The following PTPRC variants were observed in gnomAD, a reference collection of about 807,000 sequenced individuals.
The protein encoded by PTPRC is receptor-type tyrosine-protein phosphatase C.
A neutral mutation model predicts 155.9 loss-of-function variants in PTPRC; 44 were observed. The observed-to-expected ratio is 0.28, with a 90% CI of 0.22 to 0.36. The LOEUF is 0.36. Ranked by LOEUF, PTPRC falls within the 10% of genes least tolerant of loss-of-function variation. PTPRC has a pLI of 1.00. For missense variants in PTPRC, 1,401 were observed against 1,564.6 expected (o/e 0.90, Z 1.76); for synonymous variants, 525 against 533.1 (o/e 0.98, Z 0.21).
chr1:198,671,038 A>G (rs66469062), intron 2 of PTPRC, among the ~76,000 whole-genome samples: 49,617 of 151,982 alleles, frequency 0.33, 9,707 homozygotes, highest in Middle Eastern at 0.46. Context: ...TAGTGTATAC[A>G]TATATCAAAA....
chr1:198,704,173 GT>G (rs1488602797), intron 7 of PTPRC, among the ~76,000 whole-genome samples: 2 of 152,078 alleles, frequency 1.3e-5, no homozygotes, highest in South Asian at 2.1e-4. Flanking sequence ...ATTTTTGGCT[GT>G]GTGAATCTTC....
chr1:198,663,409 A>G (rs1010332781), intron 2 of PTPRC, among the ~76,000 whole-genome samples: 3 of 152,206 alleles, frequency 2.0e-5, no homozygotes, highest in African/African-American at 7.2e-5. Context: ...GCTTCATGAA[A>G]AGTGTAAAAG....
chr1:198,692,053 CAA>C (rs1230221810), intron 2 of PTPRC, among the ~76,000 whole-genome samples: 2 of 151,984 alleles, frequency 1.3e-5, no homozygotes, highest in Non-Finnish European at 2.9e-5. Flanking sequence ...AAAAGTTTTT[CAA>C]AAGTCTTTTG....
intron 22 of PTPRC, 84 bp downstream of exon 22, chr1:198,734,509 C>T (rs1654536929): frequency 1.8e-6 from 2 of 1,118,440 alleles, no homozygotes; most frequent in Non-Finnish European, 2.7e-6. Context: ...CCACATGTAT[C>T]TGCCTGATGA....
intron 15 of PTPRC, 135 bp downstream of exon 15, chr1:198,722,611 TTTAA>T: frequency 9.9e-6 from 4 of 404,798 alleles, no homozygotes; most frequent in Non-Finnish European, 1.5e-5. Flanking sequence ...ATGTAATATT[TTTAA>T]TTGTCAGTAA....
intron 2 of PTPRC, among the ~76,000 whole-genome samples, chr1:198,682,416 C>T (rs1665384746): frequency 6.6e-6 from 1 of 152,002 alleles, no homozygotes; most frequent in Non-Finnish European, 1.5e-5. Flanking sequence ...CATTTATTTT[C>T]TGCTTTTTTT....
At chr1:198,724,748 T>C (rs1654051203) in intron 15 of PTPRC, among the ~76,000 whole-genome samples, 1 of 151,918 alleles carries the variant, frequency 6.6e-6, no homozygotes, top group African/African-American at 2.4e-5. Context: ...AAATGCTAGG[T>C]TTCTGTCTTT....
At chr1:198,689,010 CCTGGCA>C (rs921947014) in intron 2 of PTPRC, among the ~76,000 whole-genome samples, 16 of 152,054 alleles carry the variant, frequency 1.1e-4, no homozygotes, top group Admixed American at 1.0e-3. Context: ...TAGTATAGTG[CCTGGCA>C]CCCAGTAAAC....
chr1:198,694,124 C>T, intron 3 of PTPRC: 1 of 1,543,484 alleles, frequency 6.5e-7, no homozygotes, highest in Non-Finnish European at 8.7e-7. Context: ...CCCGAGAGCC[C>T]CTCACAAACC....
intron 2 of PTPRC, among the ~76,000 whole-genome samples, chr1:198,681,087 A>G (rs1265286444): frequency 6.6e-6 from 1 of 152,166 alleles, no homozygotes; most frequent in Admixed American, 6.5e-5. Flanking sequence ...TACTAAAGAT[A>G]GAGAAACCAT....
intron 2 of PTPRC, chr1:198,679,109 A>C (rs1358691254): frequency 5.1e-6 from 1 of 194,304 alleles, no homozygotes; most frequent in Non-Finnish European, 1.1e-5. Flanking sequence ...GGCCTCTGGG[A>C]CAGTTCAGGT....
At chr1:198,643,000 A>G (rs755259632) in intron 2 of PTPRC, among the ~76,000 whole-genome samples, 3 of 143,696 alleles carry the variant, frequency 2.1e-5, no homozygotes, top group Admixed American at 7.1e-5. Flanking sequence ...ATGATTGATT[A>G]AAAGAAAACA....
chr1:198,677,154 AT>A (rs1406893407), intron 2 of PTPRC, among the ~76,000 whole-genome samples: 4 of 152,168 alleles, frequency 2.6e-5, no homozygotes, highest in African/African-American at 9.7e-5. Context: ...CCTGCTATCC[AT>A]TTTAAATTCT....
intron 2 of PTPRC, among the ~76,000 whole-genome samples, chr1:198,665,360 T>C (rs1214676608): frequency 6.6e-6 from 1 of 151,812 alleles, no homozygotes; most frequent in Non-Finnish European, 1.5e-5. Context: ...ATTTTAAAAA[T>C]AGATTTTATT....
intron 29 of PTPRC, 89 bp from the exon 30 acceptor site, chr1:198,752,156 CACAG>C (rs1424598727): frequency 4.4e-6 from 6 of 1,371,780 alleles, no homozygotes; most frequent in African/African-American, 1.4e-5. Context: ...AGAAAAGAGG[CACAG>C]ACAGAGAAAG....
In PTPRC at chr1:198,716,662, T is replaced by C. The variant is rs767348129; in HGVS notation, c.1292-20T>C. ...CTGACTTTTAACGACTTACTAATTT[T>C]TTTTCACATTTTTCCTCAGAAAAAG... On this transcript the variant is annotated intron_variant, in intron 12 of 32. Transcript: ENST00000442510. The C allele has an allele frequency of 2.5e-6, 4 of 1,608,652 alleles. No individual in the cohort carries two copies. The Admixed American group carries it at 6.7e-5, about 27-fold the overall frequency.
At chr1:198,680,075 G>C in intron 2 of PTPRC, 1 of 452,150 alleles carries the variant, frequency 2.2e-6, no homozygotes, top group Non-Finnish European at 3.9e-6. Flanking sequence ...AGCTGGGAGT[G>C]CCACTAGGCA....
chr1:198,691,504 A>G (rs1246831719), intron 2 of PTPRC, among the ~76,000 whole-genome samples: 1 of 151,998 alleles, frequency 6.6e-6, no homozygotes, highest in East Asian at 1.9e-4. Flanking sequence ...TACGTAGGAC[A>G]TCATCTCTGT....
chr1:198,705,708 A>G lies in PTPRC; in HGVS notation c.686-1026A>G, dbSNP rs927548248. ...AATGCTAGGATTACAGGCATGATCC[A>G]CCACGCCTGGCCCACTTACAGATTT... On this transcript the variant is annotated intron_variant, in intron 8 of 32. Transcript: ENST00000442510. Among the ~76,000 whole-genome samples the G allele has an allele frequency of 2.6e-5, 4 of 152,034 alleles. 1 individual carries two copies. The highest frequency in any genetic ancestry group is 4.4e-5 in the Non-Finnish European group (3 of 68,016).
Sources: gnomAD v4.1 joint callset for allele counts (sites outside exome capture counted in the v4.1 genomes callset) on GRCh38, gnomAD v4.1.1 for gene constraint, MANE v1.5 for transcripts, NCBI Gene and HGNC (gene_info 2026-07-23, HGNC 2026-07-21) for gene names.